TANGO6: variants seen among roughly 807,000 people sequenced by gnomAD.
TANGO6 encodes the protein transport and golgi organization 6 homolog.
In TANGO6, 90 loss-of-function variants were observed where a neutral mutation model predicts 114.2. The ratio of observed to expected loss-of-function variants is 0.79; its 90% CI spans 0.66 to 0.94. TANGO6 has a LOEUF of 0.94. Among genes scored for constraint, TANGO6 ranks in the 40% least tolerant of loss-of-function variants. The pLI is 0.00. For synonymous variants in TANGO6, 477 were observed against 509.8 expected (o/e 0.94, Z 0.87); for missense variants, 1,274 against 1,315.3 (o/e 0.97, Z 0.49).
intron 3 of TANGO6, among the ~76,000 whole-genome samples, chr16:68,864,183 A>AAG (rs1434320235): frequency 6.6e-6 from 1 of 151,958 alleles, no homozygotes; most frequent in Non-Finnish European, 1.5e-5. Context: ...TCAAAAAAAA[A>AAG]AAAAGTTTAT....
intron 15 of TANGO6, among the ~76,000 whole-genome samples, chr16:69,000,050 C>G (rs749284968): frequency 6.6e-5 from 10 of 152,136 alleles, no homozygotes; most frequent in Non-Finnish European, 1.5e-4. Context: ...GTCAAAGAGG[C>G]GATTCGCCAG....
intron 17 of TANGO6, among the ~76,000 whole-genome samples, chr16:69,067,595 G>A (rs991380471): frequency 2.0e-5 from 3 of 151,170 alleles, no homozygotes; most frequent in East Asian, 1.9e-4. Context: ...CAAGGCGGGC[G>A]GATCATGAGG....
At chr16:69,025,248 A>G (rs1479387636) in intron 16 of TANGO6, among the ~76,000 whole-genome samples, 1 of 152,238 alleles carries the variant, frequency 6.6e-6, no homozygotes, top group Non-Finnish European at 1.5e-5. Flanking sequence ...ATAAATGAGG[A>G]TACACTGGAC....
chr16:68,856,843 C>T lies in TANGO6; in HGVS notation c.95-3041C>T, dbSNP rs4327041. ...ATGCTTCCTTGGCCAGGCGCGGTGG[C>T]TCATGCCTGTAATCCCAGCACTTTG... is the stretch of plus-strand genomic sequence containing the variant. On this transcript the variant is annotated intron_variant, in intron 1 of 17. Transcript: ENST00000261778. Among the ~76,000 whole-genome samples, 1,171 of 152,310 alleles carry T rather than the reference C, an allele frequency of 7.7e-3. 49 individuals carry two copies. In the East Asian group the frequency reaches 0.12, roughly 16 times the overall value.
At position 68,867,978 on chromosome 16, in the gene TANGO6, C is replaced by CAA. The variant is rs5817656; in HGVS notation, c.994+774_994+775dup. The CAA allele has an allele frequency of 3.3e-3, 366 of 112,292 alleles. 2 individuals carry two copies. The highest frequency in any genetic ancestry group is 4.1e-3 in the Non-Finnish European group (218 of 52,734). 7.0% of individuals were successfully genotyped at this position (112,292 alleles called of 1,614,324 possible). On this transcript the variant is annotated intron_variant, in intron 4 of 17. Transcript: ENST00000261778. ...GCCACATAGCAAGACTCTGTTTCTA[C>CAA]AAAAAAAAAAAAAAAAATAGCCAGG...
intron 7 of TANGO6, among the ~76,000 whole-genome samples, chr16:68,893,714 C>T (rs1482127771): frequency 7.1e-5 from 9 of 127,116 alleles, no homozygotes; most frequent in African/African-American, 2.2e-4. Context: ...CCTGCCTGGG[C>T]GACAGAGTGA....
intron 12 of TANGO6, 40 bp from the exon 13 acceptor site, chr16:68,927,528 A>G (rs1322398616): frequency 6.3e-7 from 1 of 1,592,642 alleles, no homozygotes; most frequent in South Asian, 1.1e-5. Flanking sequence ...GAAATTTGCT[A>G]TGTTAATTTG....
At chr16:68,875,318 T>A (rs1446333500) in intron 5 of TANGO6, 28 bp downstream of exon 5, 2 of 1,604,126 alleles carry the variant, frequency 1.2e-6, no homozygotes, top group Non-Finnish European at 1.7e-6. Context: ...TATTGATCAT[T>A]TGAGGATTAT....
At chr16:69,037,787 T>A (rs1160306429) in intron 16 of TANGO6, among the ~76,000 whole-genome samples, 1 of 152,208 alleles carries the variant, frequency 6.6e-6, no homozygotes, top group Non-Finnish European at 1.5e-5. Flanking sequence ...TTCCTTCACT[T>A]GCAAGCTGCA....
intron 7 of TANGO6, among the ~76,000 whole-genome samples, chr16:68,892,297 C>T (rs1204234130): frequency 6.6e-6 from 1 of 152,174 alleles, no homozygotes; most frequent in Non-Finnish European, 1.5e-5. Flanking sequence ...CCACAGACGC[C>T]TCATATCATA....
At chr16:69,077,898 A>G (rs550962920) in intron 17 of TANGO6, among the ~76,000 whole-genome samples, 90 of 152,340 alleles carry the variant, frequency 5.9e-4, no homozygotes, top group Admixed American at 3.0e-3. Flanking sequence ...CTAGAGAGGA[A>G]AACCTTTTAA....
At chr16:69,061,275 T>G (rs528660230) in intron 17 of TANGO6, among the ~76,000 whole-genome samples, 13 of 152,116 alleles carry the variant, frequency 8.5e-5, no homozygotes, top group African/African-American at 3.1e-4. Context: ...TTTCAAAATT[T>G]GGCTTCTGGC....
At chr16:68,894,265 C>G (rs1465387409) in intron 7 of TANGO6, among the ~76,000 whole-genome samples, 1 of 152,046 alleles carries the variant, frequency 6.6e-6, no homozygotes, top group African/African-American at 2.4e-5. Flanking sequence ...AGGGAAGTGA[C>G]CAGATTCTAC....
chr16:68,891,081 C>T (rs1962608000), intron 7 of TANGO6, among the ~76,000 whole-genome samples: 1 of 150,894 alleles, frequency 6.6e-6, no homozygotes, highest in Non-Finnish European at 1.5e-5. Flanking sequence ...CGCTTGAGGT[C>T]AGGAGTTCAA....
At position 68,859,902 on chromosome 16, in the gene TANGO6, T is replaced by A; in HGVS notation, c.113T>A (p.Leu38Gln). ...LSPGGSGSSS[L>Q]QVTKHDVLLA... ...TCAAAAGGCTCGGGCTCAAGTTCAC[T>A]ACAGGTCACAAAACATGATGTCTTG... The change falls in exon 2 of 18, where the codon CTA becomes CAA. Residue 38 changes from leucine (L) to glutamine (Q), a missense_variant. Leu to Gln is a moderately radical substitution (Grantham distance 113, BLOSUM62 -2). This residue lies in a region of TANGO6 where 114 missense variants were observed against 104.6 expected (regional missense o/e 1.09). Transcript: ENST00000261778. 4 of 1,587,520 alleles carry A rather than the reference T, an allele frequency of 2.5e-6. No individual in the cohort carries two copies. Among genetic ancestry groups the A allele is most frequent in the Non-Finnish European group, 3.4e-6 (4 of 1,167,458 alleles).
chr16:69,005,580 C>G (rs1964085050), intron 15 of TANGO6, among the ~76,000 whole-genome samples: 1 of 152,082 alleles, frequency 6.6e-6, no homozygotes, highest in South Asian at 2.1e-4. Context: ...GGTGTATCAC[C>G]TGAGGTCAGA....
intron 15 of TANGO6, among the ~76,000 whole-genome samples, chr16:69,004,954 G>A (rs1468376111): frequency 6.6e-6 from 1 of 152,148 alleles, no homozygotes; most frequent in South Asian, 2.1e-4. Flanking sequence ...AAGCAAGACC[G>A]GGATTCCCCT....
intron 3 of TANGO6, among the ~76,000 whole-genome samples, chr16:68,864,746 A>AC (rs1439025940): frequency 1.3e-5 from 2 of 151,918 alleles, no homozygotes; most frequent in Non-Finnish European, 2.9e-5. Flanking sequence ...CTGGCATTCA[A>AC]CCCCCGTGTG....
intron 14 of TANGO6, among the ~76,000 whole-genome samples, chr16:68,966,028 TTG>T (rs563719950): frequency 1.5e-3 from 228 of 150,618 alleles, no homozygotes; most frequent in African/African-American, 5.0e-3. Flanking sequence ...GTCCAGGTGT[TTG>T]AGACCAGCTT....
Sources: gnomAD v4.1 joint callset for allele counts (sites outside exome capture counted in the v4.1 genomes callset) on GRCh38, gnomAD v4.1.1 for gene constraint, gnomAD v4.1.1 regional missense constraint, MANE v1.5 for transcripts, NCBI Gene and HGNC (gene_info 2026-07-23, HGNC 2026-07-21) for gene names.